IRAG1: variants seen among roughly 807,000 people sequenced by gnomAD.
IRAG1 encodes the protein inositol 1,4,5-triphosphate receptor associated 1, also known as IP3R-associated cGMP kinase substrate.
A neutral mutation model predicts 106.2 loss-of-function variants in IRAG1; 62 were observed. The observed-to-expected ratio is 0.58, with a 90% CI of 0.48 to 0.72. The LOEUF (loss-of-function observed/expected upper bound fraction) is 0.72. IRAG1 is among the 30% of genes least tolerant of loss of function. IRAG1 has a pLI of 0.00. For missense variants in IRAG1, 1,064 were observed against 1,140.7 expected (o/e 0.93, Z 0.97); for synonymous variants, 462 against 443.9 (o/e 1.04, Z -0.51).
chr11:10,654,404 T>C (rs1370350764), intron 1 of IRAG1, among the ~76,000 whole-genome samples: 1 of 152,246 alleles, frequency 6.6e-6, no homozygotes, highest in African/African-American at 2.4e-5. Flanking sequence ...GACCACCATC[T>C]TGATTGCTGT....
intron 1 of IRAG1, among the ~76,000 whole-genome samples, chr11:10,653,124 AC>A (rs1319890213): frequency 6.6e-6 from 1 of 152,074 alleles, no homozygotes; most frequent in Non-Finnish European, 1.5e-5. Flanking sequence ...GTGTTCTAGG[AC>A]CAGATGCTTT....
intron 18 of IRAG1, among the ~76,000 whole-genome samples, chr11:10,582,190 T>C (rs1851463320): frequency 6.6e-6 from 1 of 152,182 alleles, no homozygotes; most frequent in Non-Finnish European, 1.5e-5. Flanking sequence ...GCCCATTAAA[T>C]ACCTCACCAG....
rs1554910894 is a variant in IRAG1 at position 10,575,755 on chromosome 11, T to TTG, written c.*576_*577insCA. The TTG allele has an allele frequency of 2.1e-4, 33 of 155,610 alleles. No individual in the cohort carries two copies. The highest frequency in any genetic ancestry group is 7.9e-4 in the Admixed American group (13 of 16,400). The allele number at this position is 155,610 out of a possible 1,614,324, so 9.6% of individuals were successfully genotyped here. A position where few individuals can be genotyped will look rare whatever the true frequency, so the allele number is the denominator to read the frequency against. On this transcript the variant is annotated 3_prime_UTR_variant, in exon 21 of 21. Coordinates refer to ENST00000423302, the MANE Select transcript of IRAG1 (RefSeq NM_130385.4). The stretch of plus-strand genomic sequence containing the variant: ...TAAATTCAGCCTATACTTTTTTTTT[T>TTG]TTTTCTGAGAAGCCTTTCCTACTTC...
At chr11:10,682,837 C>T (rs1287875594) in intron 1 of IRAG1, among the ~76,000 whole-genome samples, 3 of 152,164 alleles carry the variant, frequency 2.0e-5, no homozygotes, top group African/African-American at 7.2e-5. Context: ...ATGGCTTCCC[C>T]ATGACCACAT....
Position 10,574,541 on chromosome 11 carries a change from C to CCT in IRAG1, c.*1789_*1790dup, listed in dbSNP as rs1012842372. On this transcript the variant is annotated 3_prime_UTR_variant, in exon 21 of 21. Transcript: ENST00000423302. ...CCAGAAAGCACAGAGGAGTGTGTGA[C>CCT]CTATTATGTTGTGTCTGGTGAGGAG... 5.3e-5 allele frequency: 8 copies of CCT among 151,946 alleles called. No individual in the cohort carries two copies. Among genetic ancestry groups the CCT allele is most frequent in the Non-Finnish European group, 8.8e-5 (6 of 68,006 alleles). 9.4% of individuals were successfully genotyped at this position (151,946 alleles called of 1,614,324 possible).
chr11:10,579,984 T>C (rs568959200), intron 20 of IRAG1, among the ~76,000 whole-genome samples: 31 of 152,368 alleles, frequency 2.0e-4, no homozygotes, highest in African/African-American at 7.2e-4. Context: ...CCTTTGCCAC[T>C]GAGCTGAGTT....
rs889338746 is a variant in IRAG1 at position 10,659,135 on chromosome 11, T to A, written c.68-6953A>T. On this transcript the variant is annotated intron_variant, in intron 1 of 20. Coordinates refer to ENST00000423302, the MANE Select transcript of IRAG1 (RefSeq NM_130385.4). The surrounding 1 kb of genome is among the most constrained non-coding windows in gnomAD (Gnocchi z 4.1). ...CCACTATCCCTGTACTCATGATGACTCCCCCAAAACAGAGGTTTTTGTTCC... is the reference window on the plus strand; with the variant it reads ...CCACTATCCCTGTACTCATGATGACACCCCCAAAACAGAGGTTTTTGTTCC... Among the ~76,000 whole-genome samples the A allele has an allele frequency of 6.6e-6, 1 of 152,140 alleles. No individual in the cohort carries two copies. The highest frequency in any genetic ancestry group is 2.4e-5 in the African/African-American group (1 of 41,422).
At position 10,576,545 on chromosome 11, in the gene IRAG1, T is replaced by A. The variant is rs1850823394; in HGVS notation, c.2526A>T (p.Gln842His). 1.2e-6 allele frequency: 2 copies of A among 1,613,898 alleles called. No homozygotes were observed. Among genetic ancestry groups the A allele is most frequent in the Non-Finnish European group, 1.7e-6 (2 of 1,179,902 alleles). ...GCTGACACAGTTTGGGATACATGAC[T>A]TGTAAGAAATGGACCAATTCTTCAA... ...SKLEELVHFL[Q>H]VMYPKLCQHW... is the part of the protein sequence containing the mutation. Residue 842 changes from glutamine (Q) to histidine (H), a missense_variant, in exon 21 of 21, where the codon CAA becomes CAT. Transcript: ENST00000423302.
intron 1 of IRAG1, chr11:10,687,647 C>T (rs1035694): frequency 0.71 from 897,092 of 1,259,862 alleles, 320,280 homozygotes; most frequent in East Asian, 0.88. Context: ...CTTCACCAGA[C>T]ACAGATGCCC....
At chr11:10,679,830 A>G (rs1861001758) in intron 1 of IRAG1, among the ~76,000 whole-genome samples, 1 of 152,222 alleles carries the variant, frequency 6.6e-6, no homozygotes, top group Non-Finnish European at 1.5e-5. Flanking sequence ...TCAGCGGGAG[A>G]TAGGTTTCTG....
intron 10 of IRAG1, 31 bp downstream of exon 10, chr11:10,623,747 C>G: frequency 6.2e-7 from 1 of 1,606,276 alleles, no homozygotes; most frequent in South Asian, 1.1e-5. Context: ...TCAGCACTCG[C>G]TGAGACAGCA....
chr11:10,637,681 T>C (rs1857239110), intron 2 of IRAG1, among the ~76,000 whole-genome samples: 1 of 152,130 alleles, frequency 6.6e-6, no homozygotes, highest in African/African-American at 2.4e-5. Flanking sequence ...GTTTTTCCCA[T>C]CTTTTGTTCA....
At chr11:10,686,514 A>G (rs1861666719) in intron 1 of IRAG1, among the ~76,000 whole-genome samples, 1 of 152,226 alleles carries the variant, frequency 6.6e-6, no homozygotes, top group Admixed American at 6.5e-5. Flanking sequence ...AACCAAGAGA[A>G]GTGCAAAGTA....
intron 18 of IRAG1, among the ~76,000 whole-genome samples, chr11:10,591,131 CTGA>C (rs1285645554): frequency 6.6e-6 from 1 of 152,172 alleles, no homozygotes; most frequent in Non-Finnish European, 1.5e-5. Context: ...TGCCACAATC[CTGA>C]TGATGAAGTT....
intron 2 of IRAG1, among the ~76,000 whole-genome samples, chr11:10,635,030 G>A (rs1459639886): frequency 3.3e-5 from 5 of 152,174 alleles, no homozygotes; most frequent in Admixed American, 6.5e-5. Context: ...TCCCTGGTTA[G>A]TTCTCACTAG....
At chr11:10,655,428 TG>T (rs1423226104) in intron 1 of IRAG1, among the ~76,000 whole-genome samples, 1 of 152,164 alleles carries the variant, frequency 6.6e-6, no homozygotes, top group African/African-American at 2.4e-5. Context: ...AGCATTCATG[TG>T]GTTTTACTGT....
intron 10 of IRAG1, among the ~76,000 whole-genome samples, chr11:10,616,005 G>A (rs1855383103): frequency 6.8e-6 from 1 of 147,148 alleles, no homozygotes; most frequent in Non-Finnish European, 1.5e-5. Context: ...TACGATTTAT[G>A]TTTAAAAAAT....
chr11:10,613,362 G>T (rs1855140412), intron 10 of IRAG1, among the ~76,000 whole-genome samples: 1 of 151,750 alleles, frequency 6.6e-6, no homozygotes, highest in Non-Finnish European at 1.5e-5. Flanking sequence ...TTAAATACAG[G>T]GGAGCAACAT....
At chr11:10,649,443 A>C (rs1322602157) in intron 2 of IRAG1, among the ~76,000 whole-genome samples, 2 of 152,180 alleles carry the variant, frequency 1.3e-5, no homozygotes, top group Non-Finnish European at 2.9e-5. Flanking sequence ...ACTGGGTAAC[A>C]CATAAGAAAC....
Sources: allele counts gnomAD v4.1 joint callset (sites outside exome capture counted in the v4.1 genomes callset), GRCh38; gene constraint gnomAD v4.1.1; non-coding constraint Gnocchi (gnomAD v3.1); transcripts MANE v1.5; gene names NCBI Gene and HGNC (gene_info 2026-07-23, HGNC 2026-07-21).